Variants in SORCS2 observed in about 807,000 individuals in gnomAD.
The protein encoded by SORCS2 is sortilin related VPS10 domain containing receptor 2, also known as VPS10 domain-containing receptor SorCS2.
A neutral mutation model predicts 141.6 loss-of-function variants in SORCS2; 100 were observed. The ratio of observed to expected loss-of-function variants is 0.71; its 90% CI spans 0.60 to 0.83. The LOEUF (loss-of-function observed/expected upper bound fraction) is 0.83, where lower values mean the gene tolerates loss of function less well. Among genes scored for constraint, SORCS2 ranks in the 40% least tolerant of loss-of-function variants. The pLI is 0.00. For synonymous variants in SORCS2, 789 were observed against 676.9 expected, an observed-to-expected ratio of 1.17 and a Z score of -2.57; for missense variants, 1,646 against 1,560.2, an observed-to-expected ratio of 1.05 and a Z score of -0.93.
chr4:7,577,008 G>C (rs1226276613), intron 3 of SORCS2, among the ~76,000 whole-genome samples: 3 of 152,244 alleles, frequency 2.0e-5, no homozygotes, highest in Non-Finnish European at 2.9e-5. Flanking sequence ...CATGAGGACA[G>C]ATGTGGTCTT....
intron 3 of SORCS2, among the ~76,000 whole-genome samples, chr4:7,607,931 T>G (rs761083053): frequency 5.3e-5 from 8 of 151,956 alleles, no homozygotes; most frequent in South Asian, 2.1e-4. Flanking sequence ...TGGCCGTGAG[T>G]GAGTTGCGGT....
intron 3 of SORCS2, among the ~76,000 whole-genome samples, chr4:7,537,928 G>A (rs369573065): frequency 2.0e-5 from 3 of 152,144 alleles, no homozygotes; most frequent in South Asian, 2.1e-4. Flanking sequence ...TGAGCCTGCC[G>A]TGATCTATGA....
Position 7,460,781 on chromosome 4 carries a change from C to T in SORCS2, c.548+64426C>T, listed in dbSNP as rs140462467. Among the ~76,000 whole-genome samples, 31 of 152,280 alleles carry T rather than the reference C, an allele frequency of 2.0e-4. 1 individual carries two copies. In the East Asian group the frequency reaches 5.6e-3, roughly 28 times the overall value. On this transcript the variant is annotated intron_variant, in intron 2 of 26. Coordinates refer to ENST00000507866, the MANE Select transcript of SORCS2 (RefSeq NM_020777.3). ...GGTGTCCCATGAGGTCACTTTTCAGCGGTCACGTGACAGCTCGATGTTGCA... is the reference window on the plus strand; with the variant it reads ...GGTGTCCCATGAGGTCACTTTTCAGTGGTCACGTGACAGCTCGATGTTGCA...
In SORCS2 at chr4:7,253,548, C is replaced by T. The variant is rs555005909; in HGVS notation, c.480+60422C>T. Among the ~76,000 whole-genome samples, 12 of 152,310 alleles carry T rather than the reference C, an allele frequency of 7.9e-5. No individual in the cohort carries two copies. The Middle Eastern group carries it at 0.01, about 130-fold the overall frequency. ...TTTGTTCCCCCACTGAGTGCCGGGGCGGAGGAGGTGTCCAGGGGGCAGGTG... is the reference window on the plus strand; with the variant it reads ...TTTGTTCCCCCACTGAGTGCCGGGGTGGAGGAGGTGTCCAGGGGGCAGGTG... On this transcript the variant is annotated intron_variant, in intron 1 of 26. Coordinates refer to ENST00000507866, the MANE Select transcript of SORCS2 (RefSeq NM_020777.3).
intron 1 of SORCS2, among the ~76,000 whole-genome samples, chr4:7,288,990 A>T (rs555876652): frequency 4.2e-4 from 63 of 151,442 alleles, no homozygotes; most frequent in Middle Eastern, 3.5e-3. Flanking sequence ...TGTTTGTGTC[A>T]TGCTGCCCTG....
At chr4:7,568,485 T>C (rs984340301) in intron 3 of SORCS2, among the ~76,000 whole-genome samples, 3 of 152,190 alleles carry the variant, frequency 2.0e-5, no homozygotes, top group Non-Finnish European at 4.4e-5. Flanking sequence ...TCTCCAGACC[T>C]TGGAACCAGA....
intron 3 of SORCS2, among the ~76,000 whole-genome samples, chr4:7,596,430 C>CCCTTCAGGTGAGA: frequency 6.6e-6 from 1 of 152,124 alleles, no homozygotes; most frequent in East Asian, 1.9e-4. Flanking sequence ...CTGCAAAGTG[C>CCCTTCAGGTGAGA]CCTTCAGGTG....
At position 7,459,375 on chromosome 4, in the gene SORCS2, C is replaced by T. The variant is rs112163858; in HGVS notation, c.548+63020C>T. On this transcript the variant is annotated intron_variant, in intron 2 of 26. Coordinates refer to ENST00000507866, the MANE Select transcript of SORCS2 (RefSeq NM_020777.3). ...GAGGTGGGGGTCAGGCACAGAAAGG[C>T]GGTGGTGTTGAGGCTGCAGGCTTGA... is the stretch of plus-strand genomic sequence containing the variant. 2.5e-3 allele frequency among the ~76,000 whole-genome samples: 382 copies of T among 152,238 alleles called. 2 individuals are homozygous for T. The highest frequency in any genetic ancestry group is 8.9e-3 in the African/African-American group (368 of 41,524).
chr4:7,412,460 AC>A (rs1725381784), intron 2 of SORCS2, among the ~76,000 whole-genome samples: 1 of 151,886 alleles, frequency 6.6e-6, no homozygotes, highest in Non-Finnish European at 1.5e-5. Flanking sequence ...CATCCAGACG[AC>A]CCCGTGCATT....
At chr4:7,724,487 T>G (rs1726927914) in intron 19 of SORCS2, among the ~76,000 whole-genome samples, 1 of 147,182 alleles carries the variant, frequency 6.8e-6, no homozygotes, top group African/African-American at 2.6e-5. Context: ...GTGGTGATGG[T>G]GGTGGTGGTG....
intron 2 of SORCS2, 93 bp downstream of exon 2, chr4:7,396,448 G>A (rs2109113821): frequency 2.2e-6 from 3 of 1,336,612 alleles, no homozygotes; most frequent in East Asian, 2.4e-5. Context: ...ACACCTCACT[G>A]TGGCAGCCCC....
chr4:7,689,514 G>T lies in SORCS2; in HGVS notation c.1517G>T (p.Arg506Leu). Residue 506 changes from arginine (R) to leucine (L), a missense_variant, in exon 11 of 27, where the codon CGC (arginine) becomes CTC (leucine). Transcript: ENST00000507866. Reference protein sequence around the residue: ...PPDCHLHLHLRWADNPYVSGT... With the variant: ...PPDCHLHLHLLWADNPYVSGT... ...GACTGCCACCTGCACCTGCACCTGC[G>T]CTGGGCAGACAACCCCTACGTATCA... 6.2e-7 allele frequency: 1 copy of T among 1,605,280 alleles called. No individual in the cohort carries two copies. Among genetic ancestry groups the T allele is most frequent in the Non-Finnish European group, 8.5e-7 (1 of 1,176,606 alleles).
In SORCS2 at chr4:7,375,311, G is replaced by A. The variant is rs1437432180; in HGVS notation, c.481-20977G>A. Among the ~76,000 whole-genome samples, 3 of 152,212 alleles carry A rather than the reference G, an allele frequency of 2.0e-5. No homozygotes were observed. The East Asian group carries it at 5.8e-4, about 29-fold the overall frequency. ...GACATTTATATCAGTGTCTCATTCA[G>A]ATGATAAATGGAAATTCTAGAATCA... On this transcript the variant is annotated intron_variant, in intron 1 of 26. Coordinates refer to ENST00000507866, the MANE Select transcript of SORCS2 (RefSeq NM_020777.3).
At chr4:7,364,542 C>T (rs542583582) in intron 1 of SORCS2, among the ~76,000 whole-genome samples, 1 of 152,208 alleles carries the variant, frequency 6.6e-6, no homozygotes, top group South Asian at 2.1e-4. Context: ...TCTGGGCAGT[C>T]TCCTCCTTCC....
At position 7,740,404 on chromosome 4, in the gene SORCS2, C is replaced by T. The variant is rs1039977952; in HGVS notation, c.*140C>T. ...CCACACCAGGCGACAGGCACCACCC[C>T]CTCTGATAAATCCAAGCCCGCCCAG... On this transcript the variant is annotated 3_prime_UTR_variant, in exon 27 of 27. Transcript: ENST00000507866. 1.6e-5 allele frequency: 12 copies of T among 755,118 alleles called. No homozygotes were observed. The highest frequency in any genetic ancestry group is 1.6e-4 in the African/African-American group (9 of 57,490). 46.8% of individuals were successfully genotyped at this position (755,118 alleles called of 1,614,324 possible).
intron 2 of SORCS2, among the ~76,000 whole-genome samples, chr4:7,503,967 G>A (rs1379145817): frequency 6.6e-6 from 1 of 152,130 alleles, no homozygotes; most frequent in Non-Finnish European, 1.5e-5. Flanking sequence ...TGTCGGACTT[G>A]GTCTCTAGGT....
intron 2 of SORCS2, among the ~76,000 whole-genome samples, chr4:7,441,473 G>A (rs531591996): frequency 1.3e-4 from 20 of 152,182 alleles, no homozygotes; most frequent in African/African-American, 4.3e-4. Flanking sequence ...AGCTGAGTGT[G>A]GGTGCCGAGG....
intron 4 of SORCS2, among the ~76,000 whole-genome samples, chr4:7,643,875 G>A (rs748344419): frequency 2.0e-4 from 31 of 152,126 alleles, no homozygotes; most frequent in Non-Finnish European, 3.4e-4. Flanking sequence ...TCGATACCAC[G>A]TTGATGGCTC....
intron 6 of SORCS2, among the ~76,000 whole-genome samples, chr4:7,662,230 C>CCCCCCCCCCCCCCCCCCCCCA (rs1722223055): frequency 6.8e-6 from 1 of 147,666 alleles, no homozygotes; most frequent in Non-Finnish European, 1.5e-5. Context: ...ACCCTCCCCC[C>CCCCCCCCCCCCCCCCCCCCCA]CCTCCCCCAC....
Sources: allele counts gnomAD v4.1 joint callset (sites outside exome capture counted in the v4.1 genomes callset), GRCh38; gene constraint gnomAD v4.1.1; transcripts MANE v1.5; gene names NCBI Gene and HGNC (gene_info 2026-07-23, HGNC 2026-07-21).